Variants in PPP1R12A observed in about 807,000 individuals in gnomAD.
The protein encoded by PPP1R12A is protein phosphatase 1 regulatory subunit 12A, also known as myosin binding subunit.
Under a neutral mutation model 139.6 loss-of-function variants are expected in PPP1R12A, and 19 were observed. That is an observed-to-expected ratio of 0.14 (90% CI 0.09 to 0.20). PPP1R12A has a LOEUF of 0.20. PPP1R12A is among the 10% of genes least tolerant of loss of function. PPP1R12A has a pLI of 1.00. For synonymous variants in PPP1R12A, 427 were observed against 420.6 expected (o/e 1.02, Z -0.19); for missense variants, 925 against 1,211.5 (o/e 0.76, Z 3.51).
At chr12:79,870,728 A>G (rs1882482173) in intron 2 of PPP1R12A, among the ~76,000 whole-genome samples, 1 of 152,126 alleles carries the variant, frequency 6.6e-6, no homozygotes, top group Admixed American at 6.6e-5. Context: ...CCACCCTCCA[A>G]AAACTGAAAA....
intron 14 of PPP1R12A, among the ~76,000 whole-genome samples, chr12:79,799,405 C>T (rs2137035046): frequency 6.6e-6 from 1 of 152,294 alleles, no homozygotes; most frequent in African/African-American, 2.4e-5. Flanking sequence ...CTGTCTCGAC[C>T]TCAGAGGGTG....
At chr12:79,846,588 C>T (rs1160757423) in intron 2 of PPP1R12A, among the ~76,000 whole-genome samples, 3 of 150,732 alleles carry the variant, frequency 2.0e-5, no homozygotes, top group South Asian at 2.1e-4. Context: ...CGCCACTGCG[C>T]GTGGCTCATT....
At position 79,786,405 on chromosome 12, in the gene PPP1R12A, T is replaced by C. The variant is rs1212427839; in HGVS notation, c.2876A>G (p.Asp959Gly). 2 of 1,558,656 alleles carry C rather than the reference T, an allele frequency of 1.3e-6. No homozygotes were observed. Among genetic ancestry groups the C allele is most frequent in the East Asian group, 2.3e-5 (1 of 42,902 alleles). Residue 959 changes from aspartate to glycine, a missense_variant, in exon 22 of 25, where the codon GAT becomes GGT. Asp to Gly is a moderately conservative substitution (Grantham distance 94, BLOSUM62 -1). This residue lies in a region of PPP1R12A where 315 missense variants were observed against 363.4 expected (regional missense o/e 0.87). Transcript: ENST00000450142. ...QLHDTNMELT[D>G]LKLQLEKATQ... ...GGCCTTTTCCAACTGTAATTTAAGATCTGTTAGTTCCATATTTGTATCATG... is the reference window on the plus strand; with the variant it reads ...GGCCTTTTCCAACTGTAATTTAAGACCTGTTAGTTCCATATTTGTATCATG...
At chr12:79,907,167 G>A (rs951601014) in intron 1 of PPP1R12A, among the ~76,000 whole-genome samples, 4 of 152,076 alleles carry the variant, frequency 2.6e-5, no homozygotes, top group Admixed American at 6.5e-5. Flanking sequence ...GAAAGACCCT[G>A]TGAAAAAGAT....
At chr12:79,914,858 T>C (rs1886865363) in intron 1 of PPP1R12A, among the ~76,000 whole-genome samples, 2 of 144,908 alleles carry the variant, frequency 1.4e-5, no homozygotes, top group South Asian at 2.2e-4. Flanking sequence ...TGGTTTTCTA[T>C]TAAAAAAAAA....
chr12:79,814,846 A>G (rs934657454), intron 9 of PPP1R12A, among the ~76,000 whole-genome samples: 1 of 150,444 alleles, frequency 6.6e-6, no homozygotes, highest in Non-Finnish European at 1.5e-5. Flanking sequence ...AAAAAATTCA[A>G]AATTTTTACA....
chr12:79,864,242 G>A (rs6539478), intron 2 of PPP1R12A, among the ~76,000 whole-genome samples: 119,527 of 152,100 alleles, frequency 0.79, 49,474 homozygotes, highest in Non-Finnish European at 0.92. Flanking sequence ...AGTAACTACT[G>A]GGTAAATAAC....
chr12:79,821,344 T>C (rs1386984457), intron 6 of PPP1R12A, among the ~76,000 whole-genome samples, 178 bp from the exon 7 acceptor site: 1 of 152,174 alleles, frequency 6.6e-6, no homozygotes, highest in Non-Finnish European at 1.5e-5. Flanking sequence ...TGAAATAGAC[T>C]AGACAATTAA....
chr12:79,783,111 GA>G (rs577054389), intron 22 of PPP1R12A, among the ~76,000 whole-genome samples: 134 of 151,782 alleles, frequency 8.8e-4, no homozygotes, highest in Non-Finnish European at 1.7e-3. Flanking sequence ...ACTCTTTCTG[GA>G]AACATAAAAG....
intron 1 of PPP1R12A, among the ~76,000 whole-genome samples, chr12:79,890,666 G>A (rs1884498151): frequency 6.6e-6 from 1 of 152,038 alleles, no homozygotes; most frequent in Admixed American, 6.6e-5. Flanking sequence ...GTTAGTTACG[G>A]ACAATCAACA....
At chr12:79,849,803 C>T (rs1298422377) in intron 2 of PPP1R12A, among the ~76,000 whole-genome samples, 1 of 152,012 alleles carries the variant, frequency 6.6e-6, no homozygotes, top group Non-Finnish European at 1.5e-5. Flanking sequence ...GAGATGCCAC[C>T]TAGTACAGGA....
intron 9 of PPP1R12A, 47 bp from the exon 10 acceptor site, chr12:79,810,057 C>T: frequency 7.4e-7 from 1 of 1,359,260 alleles, no homozygotes; most frequent in Non-Finnish European, 1.0e-6. Context: ...ATTTGTAAAG[C>T]TGATCAGTCC....
intron 8 of PPP1R12A, among the ~76,000 whole-genome samples, chr12:79,820,365 A>G (rs766547109): frequency 5.3e-5 from 8 of 152,162 alleles, no homozygotes; most frequent in Non-Finnish European, 1.2e-4. Flanking sequence ...CCCTCACAGG[A>G]AAGAGTTTTT....
At chr12:79,793,718 C>A in intron 19 of PPP1R12A, 145 bp downstream of exon 19, 1 of 587,484 alleles carries the variant, frequency 1.7e-6, no homozygotes, top group African/African-American at 1.9e-5. Flanking sequence ...ATCCTGATCC[C>A]CAGGCAAACA....
Position 79,890,889 on chromosome 12 carries a change from ACCCACCCACACCCACC to A in PPP1R12A, c.238-17967_238-17952del, listed in dbSNP as rs1236979789. Among the ~76,000 whole-genome samples, 600 of 92,562 alleles carry A rather than the reference ACCCACCCACACCCACC, an allele frequency of 6.5e-3. 4 individuals carry two copies. The highest frequency in any genetic ancestry group is 0.025 in the African/African-American group (565 of 22,872). 60.7% of individuals were successfully genotyped at this position (92,562 alleles called of 152,430 possible). ...GAAACCTCAAGAATACACACACACC[ACCCACCCACACCCACC>A]CACACACACACACACACACACACAC... is the stretch of plus-strand genomic sequence containing the variant. On this transcript the variant is annotated intron_variant, in intron 1 of 24. Transcript: ENST00000450142.
rs143557263 is a variant in PPP1R12A, at chr12:79,909,788, TTTG to T, written c.237+24904_237+24906del. On this transcript the variant is annotated intron_variant, in intron 1 of 24. Coordinates refer to ENST00000450142, the MANE Select transcript of PPP1R12A (RefSeq NM_002480.3). ...CAGCCTCTGCTTAATGTCATATTGCTTTGTTGTTGTTGTTGTTGTTGTTGTTGA... is the reference window on the plus strand; with the variant it reads ...CAGCCTCTGCTTAATGTCATATTGCTTTGTTGTTGTTGTTGTTGTTGTTGA... Among the ~76,000 whole-genome samples, 120 of 151,554 alleles carry T rather than the reference TTTG, an allele frequency of 7.9e-4. 2 individuals carry two copies. Among genetic ancestry groups the T allele is most frequent in the African/African-American group, 1.7e-3 (71 of 41,312 alleles).
At position 79,809,782 on chromosome 12, in the gene PPP1R12A, T is replaced by C. The variant is rs372098888; in HGVS notation, c.1455+13A>G. The C allele has an allele frequency of 1.8e-5, 28 of 1,592,122 alleles. No homozygotes were observed. Among genetic ancestry groups the C allele is most frequent in the African/African-American group, 2.7e-5 (2 of 74,464 alleles). On this transcript the variant is annotated intron_variant, in intron 10 of 24. Coordinates refer to ENST00000450142, the MANE Select transcript of PPP1R12A (RefSeq NM_002480.3). Reference sequence around the variant, plus strand: ...AACAGTTTTCATAGAAACCAGACTGTGAAATAGATTACCTTTTCTTTATTA... The same window carrying C: ...AACAGTTTTCATAGAAACCAGACTGCGAAATAGATTACCTTTTCTTTATTA...
At position 79,795,907 on chromosome 12, in the gene PPP1R12A, T is replaced by C. The variant is rs973239263; in HGVS notation, c.2462-148A>G. 11 of 671,900 alleles carry C rather than the reference T, an allele frequency of 1.6e-5. No individual in the cohort carries two copies. The Admixed American group carries it at 2.5e-4, about 16-fold the overall frequency. 41.6% of individuals were successfully genotyped at this position (671,900 alleles called of 1,614,324 possible). On this transcript the variant is annotated intron_variant, in intron 17 of 24. Coordinates refer to ENST00000450142, the MANE Select transcript of PPP1R12A (RefSeq NM_002480.3). ...CTGCTACTACTTAGCTCCAGCCAATTGTTGGTATGTGAGAATTCAGATCCA... is the reference window on the plus strand; with the variant it reads ...CTGCTACTACTTAGCTCCAGCCAATCGTTGGTATGTGAGAATTCAGATCCA...
intron 2 of PPP1R12A, among the ~76,000 whole-genome samples, chr12:79,857,954 G>A (rs7979011): frequency 0.91 from 138,682 of 152,212 alleles, 63,467 homozygotes; most frequent in Middle Eastern, 0.95. Context: ...ATATGGGAAC[G>A]TCTACAGCTT....
Sources: allele counts gnomAD v4.1 joint callset (sites outside exome capture counted in the v4.1 genomes callset), GRCh38; gene constraint gnomAD v4.1.1; regional missense constraint gnomAD v4.1.1; transcripts MANE v1.5; gene names NCBI Gene and HGNC (gene_info 2026-07-23, HGNC 2026-07-21).